Variants in MSLN observed in about 807,000 individuals in gnomAD.
MSLN encodes CAK1 antigen.
A neutral mutation model predicts 72.6 loss-of-function variants in MSLN; 82 were observed. The observed-to-expected ratio is 1.13, with a 90% CI of 0.94 to 1.36. The LOEUF is 1.36. Ranked by LOEUF, MSLN falls within the 40% of genes most tolerant of loss-of-function variation. The pLI, the probability that MSLN is intolerant of heterozygous loss-of-function variation, is 0.00. For synonymous variants in MSLN, 456 were observed against 387.3 expected (o/e 1.18, Z -2.08); for missense variants, 1,005 against 847.9 (o/e 1.19, Z -2.30).
At chr16:762,307 C>T (rs1310179221) in intron 2 of MSLN, among the ~76,000 whole-genome samples, 1 of 152,226 alleles carries the variant, frequency 6.6e-6, no homozygotes, top group African/African-American at 2.4e-5. Context: ...GGCTGCTCGT[C>T]CTCCTGTGCG....
intron 9 of MSLN, 55 bp from the exon 10 acceptor site, chr16:765,472 C>A (rs987179680): frequency 7.2e-6 from 11 of 1,526,898 alleles, no homozygotes; most frequent in Non-Finnish European, 9.7e-6. Context: ...CTGGCCTCTT[C>A]CCTCTCTGGG....
rs1195864978 is a variant in MSLN at position 765,043 on chromosome 16, G to T, written c.510+7G>T. ...TGCGGCTCTGGCCTGCTGGGTAGGG[G>T]CTGGGGCCAGCGCGGGGCGGAGAGG... On this transcript the variant is annotated splice_region_variant and intron_variant, in intron 8 of 17. Transcript: ENST00000545450. 5.0e-6 allele frequency: 8 copies of T among 1,610,740 alleles called. No individual in the cohort carries two copies. The highest frequency in any genetic ancestry group is 2.2e-5 in the East Asian group (1 of 44,882).
Position 765,115 on chromosome 16 carries a change from G to C in MSLN, c.516G>C (p.Val172=), listed in dbSNP as rs768472891. 1.2e-6 allele frequency: 2 copies of C among 1,604,974 alleles called. No homozygotes were observed. Among genetic ancestry groups the C allele is most frequent in the South Asian group, 2.2e-5 (2 of 90,666 alleles). The change falls in exon 9 of 18, where the codon GTG becomes GTC. Residue 172 remains valine, a synonymous_variant. Coordinates refer to ENST00000545450, the MANE Select transcript of MSLN (RefSeq NM_005823.6). ...TGAGGCCAGCCTCTCTGCAGGGTGT[G>C]CGGGGGTCTCTGCTGAGCGAGGCTG... The part of the protein sequence containing the change: ...LLPAALACWG[V]RGSLLSEADV...
Position 762,707 on chromosome 16 carries a change from G to A in MSLN, c.27G>A (p.Leu9=), listed in dbSNP as rs763478099. The A allele has an allele frequency of 3.1e-6, 5 of 1,610,672 alleles. No individual in the cohort carries two copies. The highest frequency in any genetic ancestry group is 3.4e-5 in the Admixed American group (2 of 59,628). The part of the protein sequence containing the change: MALPTARP[L]LGSCGTPALG... ...TGGCCTTGCCAACGGCTCGACCCCT[G>A]TTGGGGTCCTGTGGGACCCCCGCCC... The change falls in exon 3 of 18, where the codon CTG becomes CTA. Residue 9 remains leucine (L), a synonymous_variant. Transcript: ENST00000545450.
At chr16:763,896 TGGG>T in intron 5 of MSLN, 124 bp from the exon 6 acceptor site, 1 of 1,272,096 alleles carries the variant, frequency 7.9e-7, no homozygotes, top group South Asian at 1.4e-5. Context: ...CACCTGGTCT[TGGG>T]GGGAGGTCTG....
chr16:763,568 G>C, intron 4 of MSLN, 74 bp from the exon 5 acceptor site: 1 of 1,445,188 alleles, frequency 6.9e-7, no homozygotes, highest in Non-Finnish European at 9.4e-7. Flanking sequence ...ACCTGGCCCA[G>C]GGGTAGCGGG....
At position 765,966 on chromosome 16, in the gene MSLN, C is replaced by A. The variant is rs1356388331; in HGVS notation, c.896-93C>A. The A allele has an allele frequency of 6.4e-6, 9 of 1,414,668 alleles. No individual in the cohort carries two copies. In the South Asian group the frequency reaches 8.0e-5, roughly 13 times the overall value. 87.6% of individuals were successfully genotyped at this position (1,414,668 alleles called of 1,614,324 possible). On this transcript the variant is annotated intron_variant, in intron 11 of 17. Transcript: ENST00000545450. Reference sequence around the variant, plus strand: ...GTAAACTGAGGCACAGGGAGGGTCACAAATGGCCCGAGGTCTCATCTCACA... The same window carrying A: ...GTAAACTGAGGCACAGGGAGGGTCAAAAATGGCCCGAGGTCTCATCTCACA...
chr16:767,891 G>A (rs1444801584), intron 16 of MSLN, among the ~76,000 whole-genome samples: 1 of 7,586 alleles, frequency 1.3e-4, no homozygotes, highest in Admixed American at 9.2e-4. Flanking sequence ...GAGGAGGGGC[G>A]CATGGGGGGG....
Position 765,232 on chromosome 16 carries a change from C to T in MSLN, c.633C>T (p.Cys211=). The change falls in exon 9 of 18, where the codon TGC becomes TGT. Residue 211 remains cysteine (C), a synonymous_variant. Coordinates refer to ENST00000545450, the MANE Select transcript of MSLN (RefSeq NM_005823.6). ...AEVLLPRLVS[C]PGPLDQDQQE... ...TGCTGCTACCCCGGCTGGTGAGCTG[C>T]CCGGGACCCCTGGACCAGGACCAGC... 1 of 1,584,694 alleles carries T rather than the reference C, an allele frequency of 6.3e-7. No individual in the cohort carries two copies. Among genetic ancestry groups the T allele is most frequent in the Non-Finnish European group, 8.5e-7 (1 of 1,171,854 alleles).
At chr16:767,252 A>G (rs1231520670) in intron 15 of MSLN, 124 bp from the exon 16 acceptor site, 23 of 1,131,900 alleles carry the variant, frequency 2.0e-5, no homozygotes, top group Non-Finnish European at 2.5e-5. Flanking sequence ...AGGCAAACCC[A>G]GGCCCTGGAA....
chr16:766,439 G>C lies in MSLN; in HGVS notation c.1179G>C (p.Glu393Asp). 5 of 1,612,724 alleles carry C rather than the reference G, an allele frequency of 3.1e-6. No homozygotes were observed. The highest frequency in any genetic ancestry group is 4.2e-6 in the Non-Finnish European group (5 of 1,179,924). ...GCAAGTGGAATGTGACGTCCCTGGAGACCCTGAAGGCTTTGCTTGAAGTCA... is the reference window on the plus strand; with the variant it reads ...GCAAGTGGAATGTGACGTCCCTGGACACCCTGAAGGCTTTGCTTGAAGTCA... ...DIRKWNVTSLETLKALLEVNK... is the reference protein window; with the variant it reads ...DIRKWNVTSLDTLKALLEVNK... Residue 393 changes from glutamate to aspartate, a missense_variant, in exon 13 of 18, where the codon GAG (glutamate) becomes GAC (aspartate). Physicochemically the swap from Glu to Asp is conservative, Grantham distance 45. Transcript: ENST00000545450.
chr16:763,256 C>G lies in MSLN; in HGVS notation c.109C>G (p.Leu37Val). 1 of 1,542,582 alleles carries G rather than the reference C, an allele frequency of 6.5e-7. No individual in the cohort carries two copies. The highest frequency in any genetic ancestry group is 8.7e-7 in the Non-Finnish European group (1 of 1,145,434). ...AGGATGGGTGCAGCCCTCGAGGACC[C>G]TGGCTGGAGAGACAGGGCAGGTAAG... The part of the protein sequence containing the change: ...SLGWVQPSRT[L>V]AGETGQEAAP... Residue 37 changes from leucine to valine, a missense_variant, in exon 4 of 18, where the codon CTG becomes GTG. Transcript: ENST00000545450.
chr16:768,568 G>C lies in MSLN; in HGVS notation c.1783+3G>C. The C allele has an allele frequency of 6.2e-7, 1 of 1,607,320 alleles. No individual in the cohort carries two copies. Among genetic ancestry groups the C allele is most frequent in the Non-Finnish European group, 8.5e-7 (1 of 1,177,244 alleles). On this transcript the variant is annotated splice_donor_region_variant and intron_variant, in intron 17 of 17. Transcript: ENST00000545450. ...GGTCCTAGACCTCAGCATGCAAGGTGGGCGGGGCGGCCAGGCCAGGGCTGG... is the reference window on the plus strand; with the variant it reads ...GGTCCTAGACCTCAGCATGCAAGGTCGGCGGGGCGGCCAGGCCAGGGCTGG...
chr16:765,842 G>A (rs767535294), intron 11 of MSLN, 52 bp downstream of exon 11: 1 of 1,541,690 alleles, frequency 6.5e-7, no homozygotes, highest in Non-Finnish European at 8.8e-7. Context: ...GCACCCCTGG[G>A]GGTGGGCATC....
intron 17 of MSLN, 23 bp downstream of exon 17, chr16:768,588 G>A (rs2041674355): frequency 7.5e-6 from 12 of 1,610,206 alleles, no homozygotes; most frequent in Non-Finnish European, 1.0e-5. Context: ...GCCAGGCCAG[G>A]GCTGGGGGCA....
At chr16:763,036 C>T (rs1017988878) in intron 3 of MSLN, among the ~76,000 whole-genome samples, 197 bp from the exon 4 acceptor site, 2 of 152,158 alleles carry the variant, frequency 1.3e-5, no homozygotes, top group Admixed American at 6.5e-5. Flanking sequence ...AGGCCGGGCT[C>T]CCTGGTGGAG....
Position 765,281 on chromosome 16 carries a change from C to A in MSLN, c.682C>A (p.Gln228Lys). ...DQQEAARAAL[Q>K]GGGPPYGPPS... is the part of the protein sequence containing the mutation. ...GCAGGAGGCAGCCAGGGCGGCTCTG[C>A]AGGGCGGGGGACCCCCCTACGGGTA... is the stretch of plus-strand genomic sequence containing the variant. Residue 228 changes from glutamine to lysine, a missense_variant, in exon 9 of 18, where the codon CAG (glutamine) becomes AAG (lysine). Gln to Lys is a moderately conservative substitution (Grantham distance 53). Coordinates refer to ENST00000545450, the MANE Select transcript of MSLN (RefSeq NM_005823.6). 1 of 1,581,400 alleles carries A rather than the reference C, an allele frequency of 6.3e-7. No individual in the cohort carries two copies. Among genetic ancestry groups the A allele is most frequent in the Non-Finnish European group, 8.5e-7 (1 of 1,170,432 alleles).
At position 766,166 on chromosome 16, in the gene MSLN, C is replaced by T. The variant is rs1031863024; in HGVS notation, c.1003C>T (p.Gln335Ter). ...CGTGGATGCGGCCCTGCTGGCCACC[C>T]AGATGGACCGCGTGAACGCCATCCC... ...ACVDAALLAT[Q>*]MDRVNAIPFT... is the part of the protein sequence containing the mutation. Residue 335 changes from glutamine to a stop codon, truncating the protein, a stop_gained, in exon 12 of 18, where the codon CAG (glutamine) becomes TAG (stop). Transcript: ENST00000545450. LOFTEE classifies it high-confidence loss of function. 5.6e-6 allele frequency: 9 copies of T among 1,612,614 alleles called. 1 individual carries two copies. Among genetic ancestry groups the T allele is most frequent in the Non-Finnish European group, 7.6e-6 (9 of 1,179,906 alleles).
At position 763,929 on chromosome 16, in the gene MSLN, T is replaced by G. The variant is rs1165996559; in HGVS notation, c.180-94T>G. 3 of 1,532,872 alleles carry G rather than the reference T, an allele frequency of 2.0e-6. No individual in the cohort carries two copies. The African/African-American group carries it at 4.1e-5, about 21-fold the overall frequency. 95.0% of individuals were successfully genotyped at this position (1,532,872 alleles called of 1,614,324 possible). A position where few individuals can be genotyped will look rare whatever the true frequency, so the allele number is the denominator to read the frequency against. On this transcript the variant is annotated intron_variant, in intron 5 of 17. Transcript: ENST00000545450. ...GGTCTGCAGGGAGCACCAGGGTCCTTTGGGGAGAGGTGGGGCTGTGGGGCT... is the reference window on the plus strand; with the variant it reads ...GGTCTGCAGGGAGCACCAGGGTCCTGTGGGGAGAGGTGGGGCTGTGGGGCT...
Sources: gnomAD v4.1 joint callset for allele counts (sites outside exome capture counted in the v4.1 genomes callset) on GRCh38, gnomAD v4.1.1 for gene constraint, MANE v1.5 for transcripts, NCBI Gene and HGNC (gene_info 2026-07-23, HGNC 2026-07-21) for gene names.